The following BCAR3 variants were observed in gnomAD, a reference collection of about 807,000 sequenced individuals.
BCAR3 encodes breast cancer anti-estrogen resistance protein 3.
Under a neutral mutation model 80.1 loss-of-function variants are expected in BCAR3, and 37 were observed. The observed-to-expected ratio is 0.46, with a 90% confidence interval of 0.36 to 0.61. The LOEUF (loss-of-function observed/expected upper bound fraction) is 0.61. BCAR3 is among the 20% of genes least tolerant of loss of function. BCAR3 has a pLI of 0.00. For synonymous variants in BCAR3, 389 were observed against 418.9 expected (o/e 0.93, Z 0.87); for missense variants, 978 against 1,068.2 (o/e 0.92, Z 1.18).
intron 2 of BCAR3, among the ~76,000 whole-genome samples, chr1:93,765,505 A>G (rs1173661045): frequency 6.6e-6 from 1 of 152,156 alleles, no homozygotes; most frequent in African/African-American, 2.4e-5. Flanking sequence ...GACATAGTTA[A>G]TGTATACAAC....
At chr1:93,575,728 C>A (rs953829462) in intron 8 of BCAR3, among the ~76,000 whole-genome samples, 7 of 152,204 alleles carry the variant, frequency 4.6e-5, no homozygotes, top group Non-Finnish European at 7.3e-5. Flanking sequence ...CCTGCTCACA[C>A]AGGCCAATTG....
Position 93,800,417 on chromosome 1 carries a change from T to C in BCAR3, c.-63+45150A>G, listed in dbSNP as rs1228742587. Among the ~76,000 whole-genome samples the C allele has an allele frequency of 2.6e-5, 4 of 151,894 alleles. No homozygotes were observed. The East Asian group carries it at 7.7e-4, about 29-fold the overall frequency. On this transcript the variant is annotated intron_variant, in intron 2 of 13. Transcript: ENST00000370244. ...GGTGAAACCCTGTCTCTATTAAAAA[T>C]ACAAAAAAATTAGCTGGGCGTGGTG... is the stretch of plus-strand genomic sequence containing the variant.
chr1:93,701,950 G>A (rs573441916), intron 3 of BCAR3, among the ~76,000 whole-genome samples: 1 of 152,184 alleles, frequency 6.6e-6, no homozygotes, highest in Non-Finnish European at 1.5e-5. Flanking sequence ...CATAGAGAAG[G>A]GCTGAGTGAG....
intron 2 of BCAR3, among the ~76,000 whole-genome samples, chr1:93,834,398 G>A (rs1654689118): frequency 6.6e-6 from 1 of 151,874 alleles, no homozygotes; most frequent in South Asian, 2.1e-4. Flanking sequence ...AAACCTAGCT[G>A]ACCCCATAGA....
chr1:93,743,521 T>C (rs1050249698), intron 2 of BCAR3, among the ~76,000 whole-genome samples: 2 of 152,176 alleles, frequency 1.3e-5, no homozygotes, highest in Non-Finnish European at 2.9e-5. Flanking sequence ...AATAAATTCA[T>C]TTAAACTTAC....
At chr1:93,642,617 T>TGA (rs2101910035) in intron 2 of BCAR3, among the ~76,000 whole-genome samples, 1 of 152,136 alleles carries the variant, frequency 6.6e-6, no homozygotes, top group African/African-American at 2.4e-5. Flanking sequence ...GCATAGAAAG[T>TGA]GAAAGTCTGA....
chr1:93,815,875 T>C (rs1349426214), intron 2 of BCAR3, among the ~76,000 whole-genome samples: 1 of 152,200 alleles, frequency 6.6e-6, no homozygotes, highest in Non-Finnish European at 1.5e-5. Flanking sequence ...GTTAGAAGAA[T>C]GCTGCCGTGG....
chr1:93,845,949 T>G (rs1157518631), intron 1 of BCAR3, among the ~76,000 whole-genome samples: 1 of 152,198 alleles, frequency 6.6e-6, no homozygotes, highest in Non-Finnish European at 1.5e-5. Flanking sequence ...GTGTGTTCTG[T>G]CAGCATTCAT....
chr1:93,796,652 G>C (rs1653284165), intron 2 of BCAR3, among the ~76,000 whole-genome samples: 1 of 152,120 alleles, frequency 6.6e-6, no homozygotes, highest in Admixed American at 6.5e-5. Flanking sequence ...GACTGGAGCT[G>C]TTCCTATTCG....
At chr1:93,729,425 T>C (rs892046948) in intron 2 of BCAR3, among the ~76,000 whole-genome samples, 2 of 152,166 alleles carry the variant, frequency 1.3e-5, no homozygotes, top group African/African-American at 4.8e-5. Context: ...GCTACTGGAA[T>C]TACGGGTTCT....
chr1:93,607,540 C>T (rs1442417788), intron 3 of BCAR3, among the ~76,000 whole-genome samples: 1 of 151,862 alleles, frequency 6.6e-6, no homozygotes, highest in Non-Finnish European at 1.5e-5. Context: ...ACTCATCCCA[C>T]ACATAGAGTC....
intron 3 of BCAR3, among the ~76,000 whole-genome samples, chr1:93,641,850 T>TA (rs1557636001): frequency 1.3e-5 from 2 of 152,084 alleles, no homozygotes; most frequent in African/African-American, 4.8e-5. Context: ...ACACTAACAT[T>TA]AAAAAAACCT....
At chr1:93,565,324 C>T (rs1279078456) in intron 11 of BCAR3, among the ~76,000 whole-genome samples, 5 of 152,156 alleles carry the variant, frequency 3.3e-5, no homozygotes, top group South Asian at 2.1e-4. Flanking sequence ...CCTCAGCCTC[C>T]GAAAGTGCTG....
chr1:93,715,334 T>C (rs1650160125), intron 2 of BCAR3, among the ~76,000 whole-genome samples: 1 of 152,246 alleles, frequency 6.6e-6, no homozygotes, highest in Non-Finnish European at 1.5e-5. Flanking sequence ...CTTTTTTCCC[T>C]GGAAAGGTTG....
intron 2 of BCAR3, among the ~76,000 whole-genome samples, chr1:93,843,159 TAAGAACTGTGAGGAATTG>T (rs781418866): frequency 6.6e-5 from 10 of 152,174 alleles, no homozygotes; most frequent in Non-Finnish European, 1.2e-4. Flanking sequence ...GTTCTTGAAC[TAAGAACTGTGAGGAATTG>T]AAGCTGAAGG....
chr1:93,749,920 G>A (rs1416445059), intron 2 of BCAR3, among the ~76,000 whole-genome samples: 1 of 137,774 alleles, frequency 7.3e-6, no homozygotes, highest in African/African-American at 2.8e-5. Context: ...CTCCTGCTTT[G>A]GTTGAAATGT....
chr1:93,804,861 T>C lies in BCAR3; in HGVS notation c.-63+40706A>G, dbSNP rs147931685. Among the ~76,000 whole-genome samples, 117 of 152,346 alleles carry C rather than the reference T, an allele frequency of 7.7e-4. 1 individual carries two copies. The highest frequency in any genetic ancestry group is 2.6e-3 in the African/African-American group (109 of 41,596). ...CATCATGGATAGAATAAACTTGTTA[T>C]GAACACTTGTGTACAAGTCTTTGTG... is the stretch of plus-strand genomic sequence containing the variant. On this transcript the variant is annotated intron_variant, in intron 2 of 13. Transcript: ENST00000370244.
chr1:93,571,517 C>T lies in BCAR3; in HGVS notation c.1974+153G>A. 3 of 980,340 alleles carry T rather than the reference C, an allele frequency of 3.1e-6. No individual in the cohort carries two copies. The East Asian group carries it at 8.0e-5, about 26-fold the overall frequency. 60.7% of individuals were successfully genotyped at this position (980,340 alleles called of 1,614,324 possible). On this transcript the variant is annotated intron_variant, in intron 9 of 11. Transcript: ENST00000260502. ...TCAAAAAAGAAAAAAAAAAGTAGAC[C>T]CCAAATACTTAGGACACTGTCCCCT...
At chr1:93,825,998 T>G (rs1190830922) in intron 2 of BCAR3, among the ~76,000 whole-genome samples, 1 of 152,218 alleles carries the variant, frequency 6.6e-6, no homozygotes, top group African/African-American at 2.4e-5. Flanking sequence ...TCTCTAACTC[T>G]TGATGCACAG....
Sources: gnomAD v4.1 joint callset for allele counts (sites outside exome capture counted in the v4.1 genomes callset) on GRCh38, gnomAD v4.1.1 for gene constraint, MANE v1.5 for transcripts, NCBI Gene and HGNC (gene_info 2026-07-23, HGNC 2026-07-21) for gene names.